The following CBL variants were observed in gnomAD, a reference collection of about 807,000 sequenced individuals.
The protein encoded by CBL is E3 ubiquitin-protein ligase CBL.
In CBL, 45 loss-of-function variants were observed where a neutral mutation model predicts 96.9. That is an observed-to-expected ratio of 0.46 (90% CI 0.37 to 0.60). CBL has a LOEUF of 0.60. CBL is among the 20% of genes least tolerant of loss of function. The pLI is 0.00. For missense variants in CBL, 1,024 were observed against 1,143.5 expected, an observed-to-expected ratio of 0.90 and a Z score of 1.51; for synonymous variants, 420 against 426.8, an observed-to-expected ratio of 0.98 and a Z score of 0.20.
chr11:119,237,308 T>C (rs570324290), intron 2 of CBL, among the ~76,000 whole-genome samples: 1 of 152,368 alleles, frequency 6.6e-6, no homozygotes, highest in Non-Finnish European at 1.5e-5. Flanking sequence ...TTCCTTCATA[T>C]TCTGGATGCT....
intron 2 of CBL, among the ~76,000 whole-genome samples, chr11:119,258,057 T>C (rs989806858): frequency 1.3e-5 from 2 of 152,038 alleles, no homozygotes; most frequent in Admixed American, 1.3e-4. Context: ...TGAAACCCCC[T>C]GTCTACCAAA....
rs2135244232 is a variant in CBL at position 119,206,563 on chromosome 11, G to A, written c.146G>A (p.Gly49Glu). 6.5e-7 allele frequency: 1 copy of A among 1,549,830 alleles called. No homozygotes were observed. Among genetic ancestry groups the A allele is most frequent in the Non-Finnish European group, 8.7e-7 (1 of 1,146,764 alleles). ...HHHHLSPHPP[G>E]TVDKKMVEKC... ...CACCACCTCAGCCCCCACCCGCCGG[G>A]GACGGTGGACAAGAAGATGGTGGAG... Residue 49 changes from glycine (G) to glutamate (E), a missense_variant, in exon 1 of 16, where the codon GGG becomes GAG. By Grantham distance (98) the Gly-to-Glu change is moderately conservative (BLOSUM62 -2). This residue lies in a region of CBL where 114 missense variants were observed against 117.4 expected (regional missense o/e 0.97). Coordinates refer to ENST00000264033, the MANE Select transcript of CBL (RefSeq NM_005188.4).
chr11:119,286,599 G>A (rs1402966325), intron 11 of CBL, among the ~76,000 whole-genome samples: 2 of 152,126 alleles, frequency 1.3e-5, no homozygotes, highest in Admixed American at 1.3e-4. Context: ...CAGAAATTTT[G>A]TCAGTAGGAG....
intron 1 of CBL, among the ~76,000 whole-genome samples, chr11:119,228,815 T>TC (rs1491397743): frequency 1.6e-5 from 1 of 61,510 alleles, no homozygotes; most frequent in Non-Finnish European, 2.9e-5. Flanking sequence ...TCTCTCTCTC[T>TC]TTTTTTTTTT....
chr11:119,290,898 G>A (rs921994151), intron 12 of CBL, among the ~76,000 whole-genome samples: 2 of 151,696 alleles, frequency 1.3e-5, no homozygotes, highest in African/African-American at 4.8e-5. Context: ...GGCTGGTCTC[G>A]AACTCCTGAC....
intron 9 of CBL, among the ~76,000 whole-genome samples, chr11:119,279,153 C>G (rs1056841999): frequency 5.3e-5 from 8 of 150,890 alleles, no homozygotes; most frequent in Admixed American, 1.3e-4. Context: ...GCTAATGCAA[C>G]TAGAATAAGT....
rs1308951674 is a variant in CBL, at chr11:119,305,441, T to G, written c.*5660T>G. 1.3e-5 allele frequency: 3 copies of G among 230,622 alleles called. No individual in the cohort carries two copies. The highest frequency in any genetic ancestry group is 2.6e-5 in the Non-Finnish European group (3 of 116,440). The allele number at this position is 230,622 out of a possible 1,614,324, so 14.3% of individuals were successfully genotyped here. ...CTATCCATGGACTTCTGGGTCCTCTTCAGGTTTGAGTGCTTGAAAATGTTC... is the reference window on the plus strand; with the variant it reads ...CTATCCATGGACTTCTGGGTCCTCTGCAGGTTTGAGTGCTTGAAAATGTTC... On this transcript the variant is annotated 3_prime_UTR_variant, in exon 16 of 16. Coordinates refer to ENST00000264033, the MANE Select transcript of CBL (RefSeq NM_005188.4).
At chr11:119,235,267 C>G (rs939291075) in intron 2 of CBL, among the ~76,000 whole-genome samples, 1 of 152,022 alleles carries the variant, frequency 6.6e-6, no homozygotes. Context: ...GTGTGTGCAT[C>G]ATGCTGGGCT....
rs373386930 is a variant in CBL, at chr11:119,207,461, G to A, written c.195+849G>A. On this transcript the variant is annotated intron_variant, in intron 1 of 15. Transcript: ENST00000264033. The stretch of plus-strand genomic sequence containing the variant: ...TAACGGTTCTGACTCCTTATTACAG[G>A]TCCTGACTTTAAACTTGTTCGTTGA... 8.7e-4 allele frequency among the ~76,000 whole-genome samples: 133 copies of A among 152,242 alleles called. 1 individual carries two copies. Among genetic ancestry groups the A allele is most frequent in the African/African-American group, 3.1e-3 (127 of 41,518 alleles).
chr11:119,284,558 G>A (rs1167179631), intron 9 of CBL, among the ~76,000 whole-genome samples: 2 of 152,100 alleles, frequency 1.3e-5, no homozygotes, highest in Admixed American at 6.6e-5. Context: ...ACAGGTGTGG[G>A]CCACTGTGCA....
chr11:119,255,195 T>C (rs1313310214), intron 2 of CBL, among the ~76,000 whole-genome samples: 2 of 152,240 alleles, frequency 1.3e-5, no homozygotes, highest in South Asian at 2.1e-4. Context: ...TGACAACTAG[T>C]GCCCTGGTAC....
rs2135300492 is a variant in CBL, at chr11:119,274,838, T to A, written c.754T>A (p.Ser252Thr). 6.2e-7 allele frequency: 1 copy of A among 1,613,478 alleles called. No homozygotes were observed. Among genetic ancestry groups the A allele is most frequent in the Non-Finnish European group, 8.5e-7 (1 of 1,179,590 alleles). The change falls in exon 5 of 16, where the codon TCC becomes ACC. Residue 252 changes from serine to threonine, a missense_variant. Ser to Thr is a moderately conservative substitution (Grantham distance 58). This residue lies in a region of CBL where 192 missense variants were observed against 321.8 expected (regional missense o/e 0.60). Coordinates refer to ENST00000264033, the MANE Select transcript of CBL (RefSeq NM_005188.4). ...ATTGATCTTGTTTCTTTAGCCCTGG[T>A]CCTCTTTGCTCAGGAATTGGAACAG... Reference protein sequence around the residue: ...DIFTRLFQPWSSLLRNWNSLA... With the variant: ...DIFTRLFQPWTSLLRNWNSLA...
rs1257934998 is a variant in CBL at position 119,301,788 on chromosome 11, C to G, written c.*2007C>G. On this transcript the variant is annotated 3_prime_UTR_variant, in exon 16 of 16. Transcript: ENST00000264033. Reference sequence around the variant, plus strand: ...GGCAGAGGAAGATGGCAGTGAATATCAAACAGTAGACCGCCATCAACTTCT... The same window carrying G: ...GGCAGAGGAAGATGGCAGTGAATATGAAACAGTAGACCGCCATCAACTTCT... 4.7e-5 allele frequency: 11 copies of G among 233,112 alleles called. No homozygotes were observed. Among genetic ancestry groups the G allele is most frequent in the Non-Finnish European group, 1.7e-5 (2 of 118,064 alleles). 14.4% of individuals were successfully genotyped at this position (233,112 alleles called of 1,614,324 possible). A position where few individuals can be genotyped will look rare whatever the true frequency, so the allele number is the denominator to read the frequency against.
chr11:119,256,750 A>C (rs988152681), intron 2 of CBL, among the ~76,000 whole-genome samples: 3 of 148,512 alleles, frequency 2.0e-5, no homozygotes, highest in Non-Finnish European at 4.4e-5. Flanking sequence ...TCTAAAGTCC[A>C]TTATACCAAT....
At chr11:119,238,477 C>T (rs1248327969) in intron 2 of CBL, among the ~76,000 whole-genome samples, 4 of 150,746 alleles carry the variant, frequency 2.7e-5, no homozygotes, top group African/African-American at 4.9e-5. Flanking sequence ...CCCAAAGTGC[C>T]GGGATTGCAG....
chr11:119,251,802 G>T (rs901781106), intron 2 of CBL, among the ~76,000 whole-genome samples: 2 of 152,186 alleles, frequency 1.3e-5, no homozygotes, highest in Admixed American at 1.3e-4. Flanking sequence ...AGTAGAAAGT[G>T]CAGAAGCTTT....
chr11:119,230,310 G>A (rs947080382), intron 1 of CBL, among the ~76,000 whole-genome samples: 6 of 151,866 alleles, frequency 4.0e-5, no homozygotes, highest in African/African-American at 1.2e-4. Context: ...CCGCCACCAC[G>A]CCCGGCTAAT....
At chr11:119,250,523 A>G (rs1949663166) in intron 2 of CBL, among the ~76,000 whole-genome samples, 1 of 152,188 alleles carries the variant, frequency 6.6e-6, no homozygotes. Flanking sequence ...GTGACCGTCA[A>G]GTCTGCCTGA....
At chr11:119,298,254 G>A in intron 14 of CBL, 104 bp from the exon 15 acceptor site, 1 of 987,330 alleles carries the variant, frequency 1.0e-6, no homozygotes, top group South Asian at 1.3e-5. Flanking sequence ...TGTTGAATGA[G>A]ATAAATGATT....
Sources: allele counts gnomAD v4.1 joint callset (sites outside exome capture counted in the v4.1 genomes callset), GRCh38; gene constraint gnomAD v4.1.1; regional missense constraint gnomAD v4.1.1; transcripts MANE v1.5; gene names NCBI Gene and HGNC (gene_info 2026-07-23, HGNC 2026-07-21).